The following KYAT3 variants were observed in gnomAD, a reference collection of about 807,000 sequenced individuals.
KYAT3 encodes kynurenine aminotransferase 3.
In KYAT3, 50 loss-of-function variants were observed where a neutral mutation model predicts 59.0. The observed-to-expected ratio is 0.85, with a 90% CI of 0.68 to 1.07. KYAT3 has a LOEUF of 1.07. KYAT3 is among the 50% of genes least tolerant of loss of function. The probability of loss-of-function intolerance (pLI) is 0.00; values close to 1 mark genes in which losing one functional copy is unlikely to be tolerated. For synonymous variants in KYAT3, 148 were observed against 177.0 expected (o/e 0.84, Z 1.30); for missense variants, 497 against 533.3 (o/e 0.93, Z 0.67).
intron 11 of KYAT3, among the ~76,000 whole-genome samples, chr1:88,945,858 G>A (rs1382504180): frequency 6.6e-6 from 1 of 152,176 alleles, no homozygotes; most frequent in Non-Finnish European, 1.5e-5. Flanking sequence ...GGAAGGTTTT[G>A]TGGACATTAA....
At chr1:88,939,971 G>A (rs1385680916) in intron 13 of KYAT3, among the ~76,000 whole-genome samples, 2 of 151,692 alleles carry the variant, frequency 1.3e-5, no homozygotes, top group African/African-American at 4.8e-5. Context: ...TTTTTTTTGG[G>A]CGAATATTCT....
At chr1:88,945,919 T>C (rs1018788468) in intron 11 of KYAT3, among the ~76,000 whole-genome samples, 1 of 152,202 alleles carries the variant, frequency 6.6e-6, no homozygotes. Context: ...GTTTTCATTA[T>C]CAGAAAAGCT....
At chr1:88,962,541 T>C (rs1195726247) in intron 5 of KYAT3, among the ~76,000 whole-genome samples, 1 of 152,234 alleles carries the variant, frequency 6.6e-6, no homozygotes, top group Non-Finnish European at 1.5e-5. Flanking sequence ...AAGTGATGTA[T>C]AAGCAGTGAC....
At position 88,947,418 on chromosome 1, in the gene KYAT3, A is replaced by G. The variant is rs781415590; in HGVS notation, c.1141+1673T>C. Among the ~76,000 whole-genome samples, 72 of 152,156 alleles carry G rather than the reference A, an allele frequency of 4.7e-4. 2 individuals are homozygous for G. Among genetic ancestry groups the G allele is most frequent in the Non-Finnish European group, 1.2e-4 (8 of 67,986 alleles). On this transcript the variant is annotated intron_variant, in intron 11 of 13. Coordinates refer to ENST00000260508, the MANE Select transcript of KYAT3 (RefSeq NM_001008661.3). ...GGCCTGCTGCCTCTTCTGTGTCCCA[A>G]CTGACCAACACACCGGAACCTAACT...
intron 1 of KYAT3, among the ~76,000 whole-genome samples, chr1:88,991,747 C>T (rs1249217856): frequency 6.6e-6 from 1 of 152,230 alleles, no homozygotes; most frequent in Non-Finnish European, 1.5e-5. Context: ...GTGCGGCTGC[C>T]TGGCTGATAG....
At chr1:88,945,661 T>C (rs1480182120) in intron 11 of KYAT3, among the ~76,000 whole-genome samples, 5 of 152,234 alleles carry the variant, frequency 3.3e-5, no homozygotes, top group South Asian at 2.1e-4. Context: ...TTGCTATTAA[T>C]TGTAAAGGGA....
In KYAT3 at chr1:88,953,131, TTGGACCAA is replaced by T. The variant is rs770644022; in HGVS notation, c.878_885del (p.Ile293LysfsTer33). 1 of 1,613,110 alleles carries T rather than the reference TTGGACCAA, an allele frequency of 6.2e-7. No individual in the cohort carries two copies. The highest frequency in any genetic ancestry group is 8.5e-7 in the Non-Finnish European group (1 of 1,179,108). On this transcript the variant is annotated frameshift_variant, in exon 10 of 14. Coordinates refer to ENST00000260508, the MANE Select transcript of KYAT3 (RefSeq NM_001008661.3). LOFTEE classifies it high-confidence loss of function. The stretch of plus-strand genomic sequence containing the variant: ...GTCTGTAAATGTTTTATCAAATGAT[TTGGACCAA>T]TGGACCAGCCAAGCTGGGAAAGGAA...
the KYAT3 span, among the ~76,000 whole-genome samples, chr1:88,921,708 C>T: frequency 2.4e-4 from 37 of 152,174 alleles, no homozygotes; most frequent in African/African-American, 8.7e-4. Flanking sequence ...ACTGGCTCAC[C>T]CAATTATGGA....
chr1:88,992,042 G>C (rs1399990798), intron 1 of KYAT3, among the ~76,000 whole-genome samples: 4 of 148,802 alleles, frequency 2.7e-5, no homozygotes, highest in Non-Finnish European at 4.4e-5. Context: ...GCAGTGGCCC[G>C]ATCTCGGCTC....
intron 4 of KYAT3, among the ~76,000 whole-genome samples, chr1:88,967,083 C>T (rs1020879840): frequency 6.6e-6 from 1 of 152,038 alleles, no homozygotes; most frequent in Non-Finnish European, 1.5e-5. Flanking sequence ...GGCACACACA[C>T]ATGCACACAC....
At chr1:88,982,036 A>C (rs1677117152) in intron 2 of KYAT3, 3 of 978,644 alleles carry the variant, frequency 3.1e-6, no homozygotes, top group Non-Finnish European at 3.6e-6. Flanking sequence ...TTATTGTGGG[A>C]GGGGAAAGGG....
intron 11 of KYAT3, among the ~76,000 whole-genome samples, chr1:88,946,279 C>A (rs1675438626): frequency 6.6e-6 from 1 of 151,922 alleles, no homozygotes; most frequent in Non-Finnish European, 1.5e-5. Context: ...CTATGTGAAC[C>A]TAGGTGACTG....
Position 88,949,085 on chromosome 1 carries a change from A to G in KYAT3, c.1141+6T>C, listed in dbSNP as rs755030020. The G allele has an allele frequency of 6.5e-7, 1 of 1,537,706 alleles. No homozygotes were observed. The highest frequency in any genetic ancestry group is 1.3e-5 in the South Asian group (1 of 78,710). ...TATAGTTGAAATAATAAAAGCCTTT[A>G]CAAACCTAGCAAAGACACATCAGCG... On this transcript the variant is annotated splice_donor_region_variant and intron_variant, in intron 11 of 13. Coordinates refer to ENST00000260508, the MANE Select transcript of KYAT3 (RefSeq NM_001008661.3).
intron 13 of KYAT3, among the ~76,000 whole-genome samples, chr1:88,942,729 A>AT (rs1460746601): frequency 6.6e-6 from 1 of 151,710 alleles, no homozygotes; most frequent in African/African-American, 2.4e-5. Context: ...TGCCCAGTTA[A>AT]TTTTTTGTAT....
chr1:88,982,987 G>C, intron 2 of KYAT3: 4 of 1,613,498 alleles, frequency 2.5e-6, no homozygotes, highest in Non-Finnish European at 3.4e-6. Flanking sequence ...AATCTCTGTA[G>C]GAACCTCCAC....
chr1:88,974,246 T>G (rs1332596111), intron 2 of KYAT3, among the ~76,000 whole-genome samples: 1 of 152,184 alleles, frequency 6.6e-6, no homozygotes, highest in Non-Finnish European at 1.5e-5. Flanking sequence ...AGTGGGGATT[T>G]GTAGTTGCAA....
chr1:88,974,147 G>A (rs1036527210), intron 2 of KYAT3, among the ~76,000 whole-genome samples: 1 of 152,166 alleles, frequency 6.6e-6, no homozygotes, highest in African/African-American at 2.4e-5. Flanking sequence ...ACCACACTTC[G>A]GGACCAGGAA....
intron 5 of KYAT3, among the ~76,000 whole-genome samples, chr1:88,963,918 C>A (rs1254863612): frequency 2.0e-5 from 3 of 152,122 alleles, no homozygotes; most frequent in Non-Finnish European, 4.4e-5. Context: ...TTAATACATT[C>A]TCAGCTGGGC....
At chr1:88,977,226 C>T (rs539512507) in intron 2 of KYAT3, among the ~76,000 whole-genome samples, 13 of 151,658 alleles carry the variant, frequency 8.6e-5, no homozygotes, top group Non-Finnish European at 1.9e-4. Context: ...TTTGAGACGA[C>T]GTTTCGCTCT....
Sources: allele counts gnomAD v4.1 joint callset (sites outside exome capture counted in the v4.1 genomes callset), GRCh38; gene constraint gnomAD v4.1.1; transcripts MANE v1.5; gene names NCBI Gene and HGNC (gene_info 2026-07-23, HGNC 2026-07-21).